SLC7A2: variants seen among roughly 807,000 people sequenced by gnomAD.
SLC7A2 encodes cationic amino acid transporter 2.
SLC7A2 carries 48 observed loss-of-function variants against 58.9 expected under a neutral mutation model. The ratio of observed to expected loss-of-function variants is 0.82; its 90% CI spans 0.65 to 1.04. The LOEUF (loss-of-function observed/expected upper bound fraction) is 1.04, where lower values mean the gene tolerates loss of function less well. Ranked by LOEUF, SLC7A2 falls within the 50% of genes least tolerant of loss-of-function variation. The probability of loss-of-function intolerance (pLI) is 0.00; values close to 1 mark genes in which losing one functional copy is unlikely to be tolerated. For missense variants in SLC7A2, 1,029 were observed against 818.8 expected (o/e 1.26, Z -3.13); for synonymous variants, 363 against 314.5 (o/e 1.15, Z -1.63).
chr8:17,507,283 A>G (rs73563150), intron 2 of SLC7A2, among the ~76,000 whole-genome samples: 2,999 of 152,238 alleles, frequency 0.02, 105 homozygotes, highest in African/African-American at 0.069. Flanking sequence ...TACAATTACA[A>G]CTTAACATTT....
At chr8:17,563,779 C>T in intron 12 of SLC7A2, 68 bp downstream of exon 12, 2 of 888,840 alleles carry the variant, frequency 2.3e-6, no homozygotes, top group Non-Finnish European at 3.6e-6. Flanking sequence ...ATGCCCTCTC[C>T]CCCATCCTGG....
At chr8:17,524,789 C>T (rs561781801) in intron 2 of SLC7A2, among the ~76,000 whole-genome samples, 1 of 151,944 alleles carries the variant, frequency 6.6e-6, no homozygotes, top group South Asian at 2.1e-4. Context: ...ACTTCCGCAT[C>T]TAATCCTGAT....
intron 8 of SLC7A2, among the ~76,000 whole-genome samples, chr8:17,556,503 C>T (rs903377969): frequency 1.3e-5 from 2 of 151,950 alleles, no homozygotes; most frequent in Admixed American, 6.6e-5. Flanking sequence ...TGGATCAGAG[C>T]GCTTGTGTGG....
At chr8:17,531,031 C>T (rs141431734) in intron 2 of SLC7A2, among the ~76,000 whole-genome samples, 138 of 152,088 alleles carry the variant, frequency 9.1e-4, no homozygotes, top group African/African-American at 3.1e-3. Context: ...AATCTCCATA[C>T]GGTGTGGTTT....
At chr8:17,503,601 T>A (rs1482236939) in intron 2 of SLC7A2, among the ~76,000 whole-genome samples, 2 of 151,022 alleles carry the variant, frequency 1.3e-5, no homozygotes, top group African/African-American at 4.9e-5. Context: ...AGAGTACTTA[T>A]TATTCATACG....
rs906412137 is a variant in SLC7A2 at position 17,538,649 on chromosome 8, A to T, written c.-22-4669A>T. Reference sequence around the variant, plus strand: ...AACCCACGTTATAATTTGAAAATTTATCTTGGAACTTTAACATTGTAGAAA... The same window carrying T: ...AACCCACGTTATAATTTGAAAATTTTTCTTGGAACTTTAACATTGTAGAAA... On this transcript the variant is annotated intron_variant, in intron 2 of 12. Coordinates refer to ENST00000494857, the MANE Select transcript of SLC7A2 (RefSeq NM_001370338.1). 4 of 616,150 alleles carry T rather than the reference A, an allele frequency of 6.5e-6. 1 individual carries two copies. Among genetic ancestry groups the T allele is most frequent in the Non-Finnish European group, 1.1e-5 (4 of 379,506 alleles). 38.2% of individuals were successfully genotyped at this position (616,150 alleles called of 1,614,324 possible). A position where few individuals can be genotyped will look rare whatever the true frequency, so the allele number is the denominator to read the frequency against.
At chr8:17,528,839 T>A (rs1370569015) in intron 2 of SLC7A2, among the ~76,000 whole-genome samples, 1 of 152,120 alleles carries the variant, frequency 6.6e-6, no homozygotes, top group Non-Finnish European at 1.5e-5. Context: ...GGGTAAGAGT[T>A]ATAGGAGGAG....
At chr8:17,551,555 G>A (rs898638922) in intron 6 of SLC7A2, among the ~76,000 whole-genome samples, 3 of 152,054 alleles carry the variant, frequency 2.0e-5, no homozygotes, top group Non-Finnish European at 4.4e-5. Flanking sequence ...TCAAGATCAC[G>A]CCACTGCACT....
chr8:17,564,193 A>G (rs10100359), intron 12 of SLC7A2, among the ~76,000 whole-genome samples: 2,403 of 152,282 alleles, frequency 0.016, 67 homozygotes, highest in African/African-American at 0.055. Flanking sequence ...GTTAATACAG[A>G]GTGTACTTTG....
chr8:17,563,579 C>A, intron 11 of SLC7A2, 24 bp from the exon 12 acceptor site: 1 of 1,432,166 alleles, frequency 7.0e-7, no homozygotes, highest in South Asian at 1.2e-5. Context: ...TGAGTATGTT[C>A]AAAAGGATTG....
intron 2 of SLC7A2, among the ~76,000 whole-genome samples, chr8:17,533,070 T>C (rs1276968663): frequency 6.6e-6 from 1 of 152,188 alleles, no homozygotes; most frequent in Non-Finnish European, 1.5e-5. Context: ...ATGTTCTAGA[T>C]AGAAATTTTA....
rs899211003 is a variant in SLC7A2 at position 17,569,603 on chromosome 8, G to A, written c.*4457G>A. ...ATTAAACACTTTAAAATAGCCTTCC[G>A]GTTTCTGGATTTTGAGAAGCCTGAT... On this transcript the variant is annotated 3_prime_UTR_variant, in exon 13 of 13. Transcript: ENST00000494857. The A allele has an allele frequency of 6.6e-5, 10 of 151,958 alleles. No homozygotes were observed. Among genetic ancestry groups the A allele is most frequent in the African/African-American group, 1.5e-4 (6 of 41,350 alleles). 9.4% of individuals were successfully genotyped at this position (151,958 alleles called of 1,614,324 possible).
chr8:17,507,648 C>G (rs184643378), intron 2 of SLC7A2, among the ~76,000 whole-genome samples: 1 of 151,836 alleles, frequency 6.6e-6, no homozygotes, highest in Non-Finnish European at 1.5e-5. Flanking sequence ...TATTCTGTGT[C>G]CTATAAATAT....
intron 2 of SLC7A2, among the ~76,000 whole-genome samples, chr8:17,507,655 A>G (rs960784785): frequency 1.3e-5 from 2 of 152,246 alleles, no homozygotes; most frequent in Non-Finnish European, 2.9e-5. Flanking sequence ...TGTCCTATAA[A>G]TATGTACAAT....
chr8:17,550,149 C>G, intron 5 of SLC7A2, 152 bp from the exon 6 acceptor site: 1 of 684,734 alleles, frequency 1.5e-6, no homozygotes, highest in African/African-American at 1.8e-5. Context: ...TTCTGTAGCA[C>G]AGGGTGAGAG....
In SLC7A2 at chr8:17,544,484, C is replaced by T. The variant is rs367835324; in HGVS notation, c.410C>T (p.Thr137Ile). Reference sequence around the variant, plus strand: ...AGTGTTGCAAGAGCCTGGAGTGGCACCTTTGATGAACTTCTTAGCAAACAG... The same window carrying T: ...AGTGTTGCAAGAGCCTGGAGTGGCATCTTTGATGAACTTCTTAGCAAACAG... ...TSSVARAWSGTFDELLSKQIG... is the reference protein window; with the variant it reads ...TSSVARAWSGIFDELLSKQIG... Residue 137 changes from threonine to isoleucine, a missense_variant, in exon 4 of 13, where the codon ACC (threonine) becomes ATC (isoleucine). By Grantham distance (89) the Thr-to-Ile change is moderately conservative. Transcript: ENST00000494857. 1 of 1,613,950 alleles carries T rather than the reference C, an allele frequency of 6.2e-7. No homozygotes were observed. The highest frequency in any genetic ancestry group is 1.1e-5 in the South Asian group (1 of 91,048).
chr8:17,512,116 T>C (rs1800626460), intron 2 of SLC7A2, among the ~76,000 whole-genome samples: 1 of 152,214 alleles, frequency 6.6e-6, no homozygotes, highest in Non-Finnish European at 1.5e-5. Context: ...AGGACATGGA[T>C]GTCCTGTGAG....
intron 2 of SLC7A2, among the ~76,000 whole-genome samples, chr8:17,534,139 C>T (rs2588231): frequency 0.44 from 67,170 of 151,930 alleles, 16,610 homozygotes; most frequent in Non-Finnish European, 0.55. Flanking sequence ...GTGTATATAC[C>T]ACATTTTCTT....
intron 2 of SLC7A2, among the ~76,000 whole-genome samples, chr8:17,536,971 C>T (rs1801693436): frequency 6.6e-6 from 1 of 152,218 alleles, no homozygotes; most frequent in African/African-American, 2.4e-5. Context: ...AAAAGCTCCC[C>T]AGGCTCCTCT....
Sources: allele counts gnomAD v4.1 joint callset (sites outside exome capture counted in the v4.1 genomes callset), GRCh38; gene constraint gnomAD v4.1.1; transcripts MANE v1.5; gene names NCBI Gene and HGNC (gene_info 2026-07-23, HGNC 2026-07-21).